Variants in ADGRL3 observed in about 807,000 individuals in gnomAD.
ADGRL3 encodes calcium-independent alpha-latrotoxin receptor 3.
A neutral mutation model predicts 153.5 loss-of-function variants in ADGRL3; 62 were observed. The ratio of observed to expected loss-of-function variants is 0.40; its 90% confidence interval spans 0.33 to 0.50. The LOEUF (loss-of-function observed/expected upper bound fraction) is 0.50, where lower values mean the gene tolerates loss of function less well. ADGRL3 is among the 20% of genes least tolerant of loss of function. ADGRL3 has a pLI of 0.47. For synonymous variants in ADGRL3, 710 were observed against 672.5 expected, an observed-to-expected ratio of 1.06 and a Z score of -0.86; for missense variants, 1,641 against 1,859.4, an observed-to-expected ratio of 0.88 and a Z score of 2.16.
intron 8 of ADGRL3, among the ~76,000 whole-genome samples, chr4:61,805,639 G>A (rs187398334): frequency 4.6e-4 from 70 of 152,100 alleles, no homozygotes; most frequent in Admixed American, 1.2e-3. Flanking sequence ...TTAAATAGAT[G>A]GATAATAGAA....
rs575231388 is a variant in ADGRL3, at chr4:61,464,066, AAAAAATGGTTTG to A, written c.-173-33054_-173-33043del. On this transcript the variant is annotated intron_variant, in intron 2 of 26. Transcript: ENST00000683033. ...ATGAAAGCAGCCAAAGGCAATTAAT[AAAAAATGGTTTG>A]GTTGTCTTCCAATAAAACTTTATTT... Among the ~76,000 whole-genome samples, 12 of 152,284 alleles carry A rather than the reference AAAAAATGGTTTG, an allele frequency of 7.9e-5. No homozygotes were observed. In the South Asian group the frequency reaches 1.2e-3, roughly 16 times the overall value.
At chr4:61,209,345 A>C (rs574991450) in intron 1 of ADGRL3, among the ~76,000 whole-genome samples, 1 of 152,294 alleles carries the variant, frequency 6.6e-6, no homozygotes, top group African/African-American at 2.4e-5. Context: ...GAGATAATAA[A>C]GTTTACATTG....
Position 61,560,148 on chromosome 4 carries a change from G to A in ADGRL3, c.260-27079G>A, listed in dbSNP as rs146757812. Among the ~76,000 whole-genome samples the A allele has an allele frequency of 6.9e-3, 1,050 of 152,078 alleles. 18 individuals are homozygous for A. Among genetic ancestry groups the A allele is most frequent in the South Asian group, 0.047 (228 of 4,814 alleles). On this transcript the variant is annotated intron_variant, in intron 4 of 26. Transcript: ENST00000683033. ...GTCTAACCTCCATACTTCTATTATGGCACTTAGCCTATTATATTGTCACTA... is the reference window on the plus strand; with the variant it reads ...GTCTAACCTCCATACTTCTATTATGACACTTAGCCTATTATATTGTCACTA...
chr4:61,740,345 A>T (rs2096567744), intron 8 of ADGRL3, among the ~76,000 whole-genome samples: 1 of 152,186 alleles, frequency 6.6e-6, no homozygotes, highest in South Asian at 2.1e-4. Flanking sequence ...GAGCATCATA[A>T]CTCTAAAACC....
chr4:61,983,527 G>T lies in ADGRL3; in HGVS notation c.3160G>T (p.Val1054Phe). ...EHSRRKYFYL[V>F]GYGMPALIVA... The stretch of plus-strand genomic sequence containing the variant: ...TTCACGTAGGAAATACTTTTATCTG[G>T]TCGGCTATGGGATGCCTGCACTCAT... Residue 1054 changes from valine (V) to phenylalanine (F), a missense_variant, in exon 19 of 27, where the codon GTC becomes TTC. This residue lies in a region of ADGRL3 where 32 missense variants were observed against 66.2 expected (regional missense o/e 0.48). Coordinates refer to ENST00000683033, the MANE Select transcript of ADGRL3 (RefSeq NM_001387552.1). The T allele has an allele frequency of 6.2e-7, 1 of 1,613,926 alleles. No individual in the cohort carries two copies. The highest frequency in any genetic ancestry group is 8.5e-7 in the Non-Finnish European group (1 of 1,179,850).
Position 61,680,098 on chromosome 4 carries a change from A to C in ADGRL3, c.583+3163A>C, listed in dbSNP as rs540451893. Among the ~76,000 whole-genome samples, 11 of 152,164 alleles carry C rather than the reference A, an allele frequency of 7.2e-5. No homozygotes were observed. The South Asian group carries it at 2.3e-3, about 32-fold the overall frequency. On this transcript the variant is annotated intron_variant, in intron 6 of 26. Transcript: ENST00000683033. ...TTAGAATGAGGCTCCTAAGTAAAAT[A>C]CTTTTTTAATTACCTGTATTAGAGA... is the stretch of plus-strand genomic sequence containing the variant.
intron 4 of ADGRL3, among the ~76,000 whole-genome samples, chr4:61,523,039 G>T (rs1341865310): frequency 7.2e-6 from 1 of 139,436 alleles, no homozygotes; most frequent in Non-Finnish European, 1.5e-5. Context: ...TTTTGAATTT[G>T]ACTGGTCTGA....
At chr4:61,378,860 A>G (rs111754980) in intron 1 of ADGRL3, among the ~76,000 whole-genome samples, 71 of 152,136 alleles carry the variant, frequency 4.7e-4, no homozygotes, top group African/African-American at 1.6e-3. Context: ...GTCTTCTGAG[A>G]GGTACTATTG....
At chr4:61,763,248 T>G (rs1362348123) in intron 8 of ADGRL3, among the ~76,000 whole-genome samples, 2 of 150,202 alleles carry the variant, frequency 1.3e-5, no homozygotes, top group South Asian at 2.1e-4. Flanking sequence ...AGTGCAGTGG[T>G]GTTATCTTGG....
intron 25 of ADGRL3, among the ~76,000 whole-genome samples, chr4:62,044,930 C>A (rs966026076): frequency 1.3e-5 from 2 of 151,894 alleles, no homozygotes; most frequent in Non-Finnish European, 2.9e-5. Context: ...ATAGTCTTTG[C>A]GGAAGTAAAA....
chr4:61,405,006 T>C (rs1168985008), intron 2 of ADGRL3, among the ~76,000 whole-genome samples: 2 of 152,074 alleles, frequency 1.3e-5, no homozygotes, highest in Non-Finnish European at 2.9e-5. Context: ...TATGCTTACA[T>C]GGGACTCCAC....
At chr4:62,002,066 T>A (rs1180831837) in intron 21 of ADGRL3, among the ~76,000 whole-genome samples, 1 of 151,982 alleles carries the variant, frequency 6.6e-6, no homozygotes, top group Non-Finnish European at 1.5e-5. Context: ...ACTATCATCT[T>A]CAGAATCACT....
intron 1 of ADGRL3, among the ~76,000 whole-genome samples, chr4:61,343,464 C>T (rs548018513): frequency 9.8e-5 from 15 of 152,318 alleles, no homozygotes; most frequent in African/African-American, 3.6e-4. Context: ...ATGCCTTACC[C>T]TGTATCAAAA....
intron 9 of ADGRL3, among the ~76,000 whole-genome samples, chr4:61,885,910 A>T (rs2098536052): frequency 6.6e-6 from 1 of 152,172 alleles, no homozygotes; most frequent in South Asian, 2.1e-4. Context: ...CTGGCATGGT[A>T]GGGGCTAAAT....
At chr4:61,851,053 G>C (rs76659556) in intron 9 of ADGRL3, among the ~76,000 whole-genome samples, 3 of 151,808 alleles carry the variant, frequency 2.0e-5, no homozygotes, top group East Asian at 3.9e-4. Flanking sequence ...GCTGAAATTT[G>C]AATTAATTGC....
At chr4:61,405,054 T>C (rs1392359639) in intron 2 of ADGRL3, among the ~76,000 whole-genome samples, 2 of 152,058 alleles carry the variant, frequency 1.3e-5, no homozygotes, top group African/African-American at 4.8e-5. Flanking sequence ...TTCCCAGACT[T>C]GATCTCAGAA....
At chr4:61,929,818 A>G (rs1410329259) in intron 13 of ADGRL3, among the ~76,000 whole-genome samples, 1 of 152,134 alleles carries the variant, frequency 6.6e-6, no homozygotes, top group Non-Finnish European at 1.5e-5. Flanking sequence ...TGTGCTAATA[A>G]TGGAAGACCT....
chr4:61,462,640 C>T (rs1036904256), intron 2 of ADGRL3, among the ~76,000 whole-genome samples: 4 of 151,810 alleles, frequency 2.6e-5, no homozygotes, highest in African/African-American at 9.7e-5. Context: ...TAACAGAGGT[C>T]GTAATAGAGC....
intron 10 of ADGRL3, among the ~76,000 whole-genome samples, chr4:61,894,776 C>G (rs2098616226): frequency 5.9e-5 from 9 of 152,170 alleles, no homozygotes; most frequent in Admixed American, 5.9e-4. Flanking sequence ...GCAATAGCTT[C>G]CTCACCATCA....
Sources: allele counts gnomAD v4.1 joint callset (sites outside exome capture counted in the v4.1 genomes callset), GRCh38; gene constraint gnomAD v4.1.1; regional missense constraint gnomAD v4.1.1; transcripts MANE v1.5; gene names NCBI Gene and HGNC (gene_info 2026-07-23, HGNC 2026-07-21).